Variants in TESK2 observed in about 807,000 individuals in gnomAD.
TESK2 encodes the protein dual specificity testis-specific protein kinase 2.
Under a neutral mutation model 57.1 loss-of-function variants are expected in TESK2, and 39 were observed. That is an observed-to-expected ratio of 0.68 (90% CI 0.53 to 0.89). The LOEUF is 0.89. TESK2 is among the 40% of genes least tolerant of loss of function. TESK2 has a pLI of 0.00. For synonymous variants in TESK2, 249 were observed against 267.9 expected (o/e 0.93, Z 0.69); for missense variants, 646 against 732.1 (o/e 0.88, Z 1.36).
At chr1:45,434,457 ATTTTT>A (rs33951621) in intron 2 of TESK2, among the ~76,000 whole-genome samples, 1 of 144,084 alleles carries the variant, frequency 6.9e-6, no homozygotes, top group Non-Finnish European at 1.5e-5. Flanking sequence ...ACATCCAGCT[ATTTTT>A]TTTTTTTTTT....
chr1:45,462,554 G>C (rs1010339787), intron 1 of TESK2, among the ~76,000 whole-genome samples: 1 of 152,194 alleles, frequency 6.6e-6, no homozygotes, highest in Non-Finnish European at 1.5e-5. Flanking sequence ...TTACAGGCGT[G>C]AGCCACCGCG....
At chr1:45,398,983 GAAAAAAAA>G (rs372886401) in intron 3 of TESK2, 7 of 236,662 alleles carry the variant, frequency 3.0e-5, no homozygotes, top group South Asian at 9.3e-5. Flanking sequence ...ACTAGGACCT[GAAAAAAAA>G]AAAAAAAAAA....
chr1:45,396,368 T>A (rs1649356858), intron 3 of TESK2, among the ~76,000 whole-genome samples: 1 of 151,926 alleles, frequency 6.6e-6, no homozygotes, highest in Non-Finnish European at 1.5e-5. Flanking sequence ...AGTACTGGGA[T>A]TACAGGTGTG....
At chr1:45,445,148 C>T (rs148089435) in intron 2 of TESK2, among the ~76,000 whole-genome samples, 1 of 152,094 alleles carries the variant, frequency 6.6e-6, no homozygotes, top group South Asian at 2.1e-4. Flanking sequence ...CCCCAACCAC[C>T]ACCATCTAGT....
intron 5 of TESK2, among the ~76,000 whole-genome samples, chr1:45,348,239 C>T (rs974567252): frequency 1.3e-5 from 2 of 152,210 alleles, no homozygotes; most frequent in African/African-American, 2.4e-5. Context: ...AACACAATTA[C>T]TCATCTTTGC....
chr1:45,430,135 C>T (rs1650892144), intron 2 of TESK2, among the ~76,000 whole-genome samples: 1 of 152,048 alleles, frequency 6.6e-6, no homozygotes, highest in South Asian at 2.1e-4. Flanking sequence ...TGCTGAAGAC[C>T]CTGAGACCCT....
intron 4 of TESK2, among the ~76,000 whole-genome samples, chr1:45,359,318 G>C (rs1440878482): frequency 1.3e-5 from 2 of 152,214 alleles, no homozygotes; most frequent in African/African-American, 4.8e-5. Context: ...TCAGCACTTT[G>C]GGAGGCCAAG....
chr1:45,445,378 G>C (rs920361581), intron 2 of TESK2, among the ~76,000 whole-genome samples: 1 of 152,118 alleles, frequency 6.6e-6, no homozygotes, highest in Non-Finnish European at 1.5e-5. Flanking sequence ...AACTCCTGCT[G>C]TTCTCAATTT....
chr1:45,464,455 T>C (rs1338436836), intron 1 of TESK2, among the ~76,000 whole-genome samples: 1 of 151,962 alleles, frequency 6.6e-6, no homozygotes, highest in Non-Finnish European at 1.5e-5. Context: ...ATAGTTTTCA[T>C]TGTAAAGATC....
chr1:45,470,482 T>C (rs182943801), intron 1 of TESK2, among the ~76,000 whole-genome samples: 1 of 152,360 alleles, frequency 6.6e-6, no homozygotes, highest in East Asian at 1.9e-4. Flanking sequence ...GCATAAAAAC[T>C]GGCATCCCTT....
At chr1:45,357,276 A>G (rs1423368702) in intron 4 of TESK2, among the ~76,000 whole-genome samples, 1 of 151,942 alleles carries the variant, frequency 6.6e-6, no homozygotes, top group Non-Finnish European at 1.5e-5. Flanking sequence ...CAGAAGGACA[A>G]TGACATTCTA....
intron 1 of TESK2, among the ~76,000 whole-genome samples, chr1:45,460,345 C>T (rs1009387191): frequency 6.6e-6 from 1 of 152,010 alleles, no homozygotes; most frequent in Non-Finnish European, 1.5e-5. Flanking sequence ...TGGCAAAACC[C>T]TCTCTCTACG....
chr1:45,426,046 G>A (rs1570717704), intron 2 of TESK2, among the ~76,000 whole-genome samples: 1 of 152,080 alleles, frequency 6.6e-6, no homozygotes, highest in Non-Finnish European at 1.5e-5. Flanking sequence ...CAGCTACTCG[G>A]GAGGCTGAGC....
chr1:45,415,214 T>C (rs750328543), intron 3 of TESK2: 137 of 1,493,868 alleles, frequency 9.2e-5, no homozygotes, highest in Non-Finnish European at 1.3e-4. Context: ...TGTGTCCGGT[T>C]GGATGGCAAG....
rs531027834 is a variant in TESK2 at position 45,358,244 on chromosome 1, C to T, written c.394-2795G>A. Among the ~76,000 whole-genome samples the T allele has an allele frequency of 6.0e-5, 9 of 150,448 alleles. No individual in the cohort carries two copies. In the East Asian group the frequency reaches 1.2e-3, roughly 20 times the overall value. On this transcript the variant is annotated intron_variant, in intron 4 of 10. Coordinates refer to ENST00000372086, the MANE Select transcript of TESK2 (RefSeq NM_007170.3). Reference sequence around the variant, plus strand: ...AGGAGAATGGCATGAACCCAGGAGGCGGAGCTTGCAGTGAGCCGAGACTGT... The same window carrying T: ...AGGAGAATGGCATGAACCCAGGAGGTGGAGCTTGCAGTGAGCCGAGACTGT...
At chr1:45,480,364 A>G (rs1001436683) in intron 1 of TESK2, among the ~76,000 whole-genome samples, 10 of 151,420 alleles carry the variant, frequency 6.6e-5, no homozygotes, top group Admixed American at 5.9e-4. Flanking sequence ...AGGCTGAGGC[A>G]GAAGAATTGC....
chr1:45,366,373 C>T (rs1440061932), intron 4 of TESK2, among the ~76,000 whole-genome samples: 4 of 152,090 alleles, frequency 2.6e-5, no homozygotes, highest in Admixed American at 6.5e-5. Context: ...AGGTGTGAGC[C>T]ACCACGGCCA....
chr1:45,422,153 A>C (rs1270747862), intron 2 of TESK2, among the ~76,000 whole-genome samples: 2 of 152,184 alleles, frequency 1.3e-5, no homozygotes, highest in Admixed American at 1.3e-4. Context: ...CAGGGACATA[A>C]ATGAAGCTGG....
chr1:45,454,731 T>G (rs1232699732), intron 2 of TESK2, among the ~76,000 whole-genome samples: 1 of 152,026 alleles, frequency 6.6e-6, no homozygotes, highest in South Asian at 2.1e-4. Context: ...CATAGCAGCA[T>G]TAGTCACAAT....
Sources: gnomAD v4.1 joint callset for allele counts (sites outside exome capture counted in the v4.1 genomes callset) on GRCh38, gnomAD v4.1.1 for gene constraint, MANE v1.5 for transcripts, NCBI Gene and HGNC (gene_info 2026-07-23, HGNC 2026-07-21) for gene names.